SNRPN: variants seen among roughly 807,000 people sequenced by gnomAD.
SNRPN encodes small nuclear ribonucleoprotein-associated protein N.
Under a neutral mutation model 25.2 loss-of-function variants are expected in SNRPN, and 7 were observed. The ratio of observed to expected loss-of-function variants is 0.28; its 90% CI spans 0.16 to 0.52. SNRPN has a LOEUF of 0.52. Ranked by LOEUF, SNRPN falls within the 20% of genes least tolerant of loss-of-function variation. The pLI is 0.96. For synonymous variants in SNRPN, 124 were observed against 110.6 expected (o/e 1.12, Z -0.76); for missense variants, 196 against 322.5 (o/e 0.61, Z 3.00).
intron 1 of SNRPN, among the ~76,000 whole-genome samples, chr15:24,870,183 C>T (rs72693668): frequency 0.09 from 13,760 of 152,080 alleles, 944 homozygotes; most frequent in East Asian, 0.29. Flanking sequence ...GTGTTTATTT[C>T]GTGCCCAAGC....
At chr15:24,835,786 G>A (rs952207504) in intron 2 of SNRPN, among the ~76,000 whole-genome samples, 5 of 152,106 alleles carry the variant, frequency 3.3e-5, no homozygotes, top group African/African-American at 7.3e-5. Context: ...CAGAGAGAAA[G>A]TATATTTAAA....
chr15:24,835,136 ATATATACTATATATAAAATATATAG>A lies in SNRPN; in HGVS notation c.-579+5238_-579+5262del, dbSNP rs1230602760. Among the ~76,000 whole-genome samples the A allele has an allele frequency of 9.0e-4, 57 of 63,496 alleles. 15 individuals carry two copies. The East Asian group carries it at 0.011, about 12-fold the overall frequency. The allele number at this position is 63,496 out of a possible 152,430, so 41.7% of individuals were successfully genotyped here. A position where few individuals can be genotyped will look rare whatever the true frequency, so the allele number is the denominator to read the frequency against. ...ATATCTATATATAAAATATATAGAT[ATATATACTATATATAAAATATATAG>A]TATATATATGAAAATAAGTTATTTG... On this transcript the variant is annotated intron_variant, in intron 2 of 12. Coordinates refer to the SNRPN transcript ENST00000400100.
chr15:24,975,009 AT>A lies in SNRPN; in HGVS notation c.4-347del, dbSNP rs2076905476. 3 of 702,688 alleles carry A rather than the reference AT, an allele frequency of 4.3e-6. No individual in the cohort carries two copies. In the East Asian group the frequency reaches 8.0e-5, roughly 19 times the overall value. The allele number at this position is 702,688 out of a possible 1,614,324, so 43.5% of individuals were successfully genotyped here. The stretch of plus-strand genomic sequence containing the variant: ...GCTTTGAAAATGGAAGGGTTTTGGC[AT>A]TAACAGTACAGAGAAAAGCAGTCTG... On this transcript the variant is annotated intron_variant, in intron 4 of 9. Coordinates refer to ENST00000390687, the MANE Select transcript of SNRPN (RefSeq NM_003097.6).
chr15:24,973,606 G>A (rs889978113), intron 3 of SNRPN, among the ~76,000 whole-genome samples: 2 of 151,998 alleles, frequency 1.3e-5, no homozygotes, highest in Non-Finnish European at 2.9e-5. Flanking sequence ...CACCATGTTG[G>A]CCAGGCTGGT....
chr15:24,878,685 CTCT>C (rs1388201925), intron 1 of SNRPN, among the ~76,000 whole-genome samples: 1 of 152,096 alleles, frequency 6.6e-6, no homozygotes, highest in African/African-American at 2.4e-5. Context: ...ACAGCCCCTC[CTCT>C]TGTTACATAA....
chr15:24,859,796 G>A (rs11634958), intron 1 of SNRPN, among the ~76,000 whole-genome samples: 3 of 152,142 alleles, frequency 2.0e-5, no homozygotes, highest in African/African-American at 7.2e-5. Context: ...ACCAAGGGTG[G>A]ATTATCCATG....
chr15:24,975,595 A>G (rs1347075838), intron 5 of SNRPN, 86 bp downstream of exon 5: 3 of 1,129,800 alleles, frequency 2.7e-6, no homozygotes, highest in Admixed American at 1.8e-5. Context: ...TTCCGAGGGT[A>G]ACTGAAGTAG....
At chr15:24,938,218 C>T (rs371711013) in intron 3 of SNRPN, among the ~76,000 whole-genome samples, 6 of 151,532 alleles carry the variant, frequency 4.0e-5, no homozygotes, top group Non-Finnish European at 5.9e-5. Context: ...CAGGTTCAAG[C>T]GATTTTCGCT....
chr15:24,843,296 T>C (rs946298430), intron 2 of SNRPN, among the ~76,000 whole-genome samples: 1 of 152,312 alleles, frequency 6.6e-6, no homozygotes, highest in African/African-American at 2.4e-5. Context: ...AGCATATGGT[T>C]TCATTCATCT....
At chr15:24,966,659 C>G (rs2075685592) in intron 2 of SNRPN, among the ~76,000 whole-genome samples, 1 of 152,154 alleles carries the variant, frequency 6.6e-6, no homozygotes, top group African/African-American at 2.4e-5. Flanking sequence ...ACATTTCTTT[C>G]ACTGGGTAAA....
At chr15:24,948,739 A>G (rs1326454096) in intron 3 of SNRPN, among the ~76,000 whole-genome samples, 1 of 152,034 alleles carries the variant, frequency 6.6e-6, no homozygotes, top group Non-Finnish European at 1.5e-5. Flanking sequence ...AATGTCCCTC[A>G]ATTAGGGTTT....
At chr15:24,953,882 G>T (rs1382292980), upstream of SNRPN, among the ~76,000 whole-genome samples, 1 of 151,962 alleles carries the variant, frequency 6.6e-6, no homozygotes, top group Non-Finnish European at 1.5e-5. Flanking sequence ...ATTTTGTTAC[G>T]ATAGAAGTCA....
At chr15:24,930,785 G>C (rs1052472317) in intron 3 of SNRPN, among the ~76,000 whole-genome samples, 1 of 151,944 alleles carries the variant, frequency 6.6e-6, no homozygotes, top group African/African-American at 2.4e-5. Context: ...TGTAAGCCCA[G>C]CTACTCGGGA....
chr15:24,920,606 A>C (rs1329683730), intron 3 of SNRPN: 4 of 152,180 alleles, frequency 2.6e-5, no homozygotes, highest in Admixed American at 6.5e-5. Context: ...GCCAAATCTG[A>C]GGAGGGAGCA....
chr15:24,854,806 C>CT (rs1295410209), upstream of SNRPN, among the ~76,000 whole-genome samples: 7 of 152,048 alleles, frequency 4.6e-5, no homozygotes, highest in African/African-American at 1.7e-4. Flanking sequence ...AGTTCAAGAC[C>CT]TTTGGGCAAC....
intron 6 of SNRPN, among the ~76,000 whole-genome samples, 186 bp from the exon 7 acceptor site, chr15:24,976,691 A>G (rs1041365116): frequency 6.6e-6 from 1 of 152,240 alleles, no homozygotes; most frequent in Non-Finnish European, 1.5e-5. Flanking sequence ...TCACAATTTG[A>G]CAAATAATGT....
chr15:24,861,333 AATACT>A (rs1438405071), intron 1 of SNRPN, among the ~76,000 whole-genome samples: 1 of 152,196 alleles, frequency 6.6e-6, no homozygotes, highest in Non-Finnish European at 1.5e-5. Flanking sequence ...GACTGTCCTG[AATACT>A]ATAAGCAATT....
At chr15:24,858,867 C>T (rs1416545806) in intron 1 of SNRPN, among the ~76,000 whole-genome samples, 2 of 151,898 alleles carry the variant, frequency 1.3e-5, no homozygotes, top group African/African-American at 4.8e-5. Context: ...GTAACCCCCA[C>T]CCCCTTTTCC....
rs941129274 is a variant in SNRPN at position 24,978,675 on chromosome 15, A to G, written c.*231A>G. The G allele has an allele frequency of 1.6e-5, 9 of 564,416 alleles. No homozygotes were observed. The highest frequency in any genetic ancestry group is 1.5e-4 in the African/African-American group (8 of 53,036). 35.0% of individuals were successfully genotyped at this position (564,416 alleles called of 1,614,324 possible). On this transcript the variant is annotated 3_prime_UTR_variant, in exon 10 of 10. Coordinates refer to ENST00000390687, the MANE Select transcript of SNRPN (RefSeq NM_003097.6). Reference sequence around the variant, plus strand: ...TGATGCCTATTAAGCAGTTGATTCAAATCATATTCTCTTTAATTCTTAGGA... The same window carrying G: ...TGATGCCTATTAAGCAGTTGATTCAGATCATATTCTCTTTAATTCTTAGGA...
Sources: allele counts gnomAD v4.1 joint callset (sites outside exome capture counted in the v4.1 genomes callset), GRCh38; gene constraint gnomAD v4.1.1; transcripts MANE v1.5; gene names NCBI Gene and HGNC (gene_info 2026-07-23, HGNC 2026-07-21).